The following PRR16 variants were observed in gnomAD, a reference collection of about 807,000 sequenced individuals.
The protein encoded by PRR16 is protein Largen.
In PRR16, 6 loss-of-function variants were observed where a neutral mutation model predicts 18.2. The observed-to-expected ratio is 0.33, with a 90% CI of 0.18 to 0.65. The LOEUF is 0.65. PRR16 is among the 30% of genes least tolerant of loss of function. PRR16 has a pLI of 0.74. For missense variants in PRR16, 412 were observed against 376.6 expected, an observed-to-expected ratio of 1.09 and a Z score of -0.78; for synonymous variants, 151 against 147.8, an observed-to-expected ratio of 1.02 and a Z score of -0.16.
chr5:120,586,058 A>T (rs1011911346), intron 1 of PRR16, among the ~76,000 whole-genome samples: 1 of 152,038 alleles, frequency 6.6e-6, no homozygotes, highest in Admixed American at 6.6e-5. Flanking sequence ...CTGTAGTCCC[A>T]GCTACTCAGG....
the PRR16 span, among the ~76,000 whole-genome samples, chr5:120,713,109 CACAA>C: frequency 2.0e-5 from 3 of 152,084 alleles, no homozygotes; most frequent in African/African-American, 7.2e-5. Flanking sequence ...TGAGGCACAA[CACAA>C]ACACACACAT....
At chr5:120,517,474 A>G (rs1389486446) in intron 1 of PRR16, among the ~76,000 whole-genome samples, 2 of 152,210 alleles carry the variant, frequency 1.3e-5, no homozygotes, top group East Asian at 1.9e-4. Flanking sequence ...CTTTTCACAT[A>G]TAGAAATGGG....
chr5:120,789,620 TTAAC>T, the PRR16 span, among the ~76,000 whole-genome samples: 1 of 152,148 alleles, frequency 6.6e-6, no homozygotes, highest in African/African-American at 2.4e-5. Context: ...AAAGCATTTC[TTAAC>T]TATTTTGAGA....
At chr5:120,602,104 G>T (rs1754002989) in intron 1 of PRR16, among the ~76,000 whole-genome samples, 2 of 151,962 alleles carry the variant, frequency 1.3e-5, no homozygotes, top group Non-Finnish European at 2.9e-5. Flanking sequence ...TGTGAAAAAT[G>T]ATGTTGGTAT....
chr5:120,568,977 C>A (rs1752820559), intron 1 of PRR16, among the ~76,000 whole-genome samples: 1 of 151,948 alleles, frequency 6.6e-6, no homozygotes, highest in East Asian at 1.9e-4. Context: ...TTTTTTATGC[C>A]CCAACTTCTA....
the PRR16 span, among the ~76,000 whole-genome samples, chr5:120,775,881 C>T: frequency 6.8e-6 from 1 of 147,256 alleles, no homozygotes; most frequent in Non-Finnish European, 1.5e-5. Context: ...CTCTTGACCT[C>T]AGGTGATACA....
intron 1 of PRR16, among the ~76,000 whole-genome samples, chr5:120,528,017 G>A (rs962936117): frequency 6.6e-6 from 1 of 152,118 alleles, no homozygotes; most frequent in Non-Finnish European, 1.5e-5. Context: ...GAGTTATTTG[G>A]TAAATACTAG....
chr5:120,713,851 T>C, the PRR16 span, among the ~76,000 whole-genome samples: 3 of 152,166 alleles, frequency 2.0e-5, no homozygotes, highest in Non-Finnish European at 2.9e-5. Context: ...ATATTTAGAG[T>C]GCCATGAAAG....
At chr5:120,516,541 T>G (rs1751002069) in intron 1 of PRR16, among the ~76,000 whole-genome samples, 1 of 149,916 alleles carries the variant, frequency 6.7e-6, no homozygotes, top group Admixed American at 6.7e-5. Context: ...TTAGAAGGCA[T>G]TTATACTATG....
chr5:120,735,300 G>T, the PRR16 span, among the ~76,000 whole-genome samples: 1 of 152,072 alleles, frequency 6.6e-6, no homozygotes, highest in Admixed American at 6.5e-5. Flanking sequence ...CTTGGCTATT[G>T]TGAGTAATGC....
chr5:120,576,488 C>G (rs35881401), intron 1 of PRR16, among the ~76,000 whole-genome samples: 70,345 of 151,956 alleles, frequency 0.46, 16,691 homozygotes, highest in Middle Eastern at 0.54. Flanking sequence ...CCAGTTAGAA[C>G]GGCCACTGTC....
chr5:120,565,309 C>A (rs542594641), intron 1 of PRR16, among the ~76,000 whole-genome samples: 2 of 151,954 alleles, frequency 1.3e-5, no homozygotes. Flanking sequence ...CAGTTAACTG[C>A]ATAAAAAAGA....
chr5:120,640,901 C>T lies in PRR16; in HGVS notation c.160-45053C>T, dbSNP rs113000856. On this transcript the variant is annotated intron_variant, in intron 1 of 1. Transcript: ENST00000407149. ...TTCACTTTGCCATTCTGTGACTTGG[C>T]AGTCTGTGAATTGGCTCTCAGTGAC... is the stretch of plus-strand genomic sequence containing the variant. 7.1e-3 allele frequency among the ~76,000 whole-genome samples: 1,086 copies of T among 152,256 alleles called. 3 individuals carry two copies. Among genetic ancestry groups the T allele is most frequent in the Non-Finnish European group, 0.013 (869 of 68,008 alleles).
At chr5:120,698,990 G>A in the PRR16 span, among the ~76,000 whole-genome samples, 1 of 152,160 alleles carries the variant, frequency 6.6e-6, no homozygotes, top group Non-Finnish European at 1.5e-5. Flanking sequence ...AATGACTGTG[G>A]TGGCCTTCTC....
intron 1 of PRR16, among the ~76,000 whole-genome samples, chr5:120,551,250 A>C (rs146929245): frequency 2.0e-5 from 3 of 151,962 alleles, no homozygotes; most frequent in African/African-American, 7.2e-5. Flanking sequence ...GTATATAAAT[A>C]AGATCATGCT....
intron 1 of PRR16, among the ~76,000 whole-genome samples, chr5:120,547,824 A>C (rs1239349028): frequency 6.6e-6 from 1 of 152,080 alleles, no homozygotes; most frequent in Non-Finnish European, 1.5e-5. Context: ...ATTTCTTCAG[A>C]AATTGATTAA....
the PRR16 span, among the ~76,000 whole-genome samples, chr5:120,744,981 A>C: frequency 6.6e-6 from 1 of 152,278 alleles, no homozygotes; most frequent in Admixed American, 6.5e-5. Flanking sequence ...TTCAGGTTTC[A>C]AGGAACACCT....
intron 1 of PRR16, among the ~76,000 whole-genome samples, chr5:120,565,819 G>A (rs1580731080): frequency 6.6e-6 from 1 of 152,222 alleles, no homozygotes; most frequent in East Asian, 1.9e-4. Flanking sequence ...TTGAGTATTG[G>A]ACTTACTATA....
rs189058872 is a variant in PRR16 at position 120,587,077 on chromosome 5, A to G, written c.160-98877A>G. Among the ~76,000 whole-genome samples, 138 of 152,354 alleles carry G rather than the reference A, an allele frequency of 9.1e-4. 1 individual carries two copies. The highest frequency in any genetic ancestry group is 3.1e-3 in the African/African-American group (130 of 41,590). On this transcript the variant is annotated intron_variant, in intron 1 of 1. Coordinates refer to ENST00000407149, the MANE Select transcript of PRR16 (RefSeq NM_001300783.2). ...AGACGATTAAACATTTCCTTAAGCC[A>G]AAACCTGGTCCAGAGCAAATCCCTA...
Sources: gnomAD v4.1 joint callset for allele counts (sites outside exome capture counted in the v4.1 genomes callset) on GRCh38, gnomAD v4.1.1 for gene constraint, MANE v1.5 for transcripts, NCBI Gene and HGNC (gene_info 2026-07-23, HGNC 2026-07-21) for gene names.